Variants in ATP8B4 observed in about 807,000 individuals in gnomAD.
ATP8B4 encodes probable phospholipid-transporting ATPase IM.
Under a neutral mutation model 145.6 loss-of-function variants are expected in ATP8B4, and 133 were observed. The observed-to-expected ratio is 0.91, with a 90% CI of 0.79 to 1.05. The LOEUF is 1.05. Ranked by LOEUF, ATP8B4 falls within the 50% of genes least tolerant of loss-of-function variation. The pLI, the probability that ATP8B4 is intolerant of heterozygous loss-of-function variation, is 0.00. For missense variants in ATP8B4, 1,458 were observed against 1,425.2 expected, an observed-to-expected ratio of 1.02 and a Z score of -0.37; for synonymous variants, 507 against 492.9, an observed-to-expected ratio of 1.03 and a Z score of -0.38.
At chr15:49,886,644 A>G (rs2036222540) in intron 23 of ATP8B4, among the ~76,000 whole-genome samples, 1 of 152,190 alleles carries the variant, frequency 6.6e-6, no homozygotes, top group Non-Finnish European at 1.5e-5. Flanking sequence ...CTTCATGAAT[A>G]CTTAATTATT....
At chr15:49,882,761 T>C (rs1429213803) in intron 23 of ATP8B4, among the ~76,000 whole-genome samples, 1 of 152,196 alleles carries the variant, frequency 6.6e-6, no homozygotes, top group East Asian at 1.9e-4. Flanking sequence ...AGGGTAATGG[T>C]CACCTCTAGA....
rs536477669 is a variant in ATP8B4, at chr15:50,179,092, T to A, written c.-43+3169A>T. 7.9e-5 allele frequency among the ~76,000 whole-genome samples: 12 copies of A among 152,156 alleles called. No homozygotes were observed. The East Asian group carries it at 2.3e-3, about 29-fold the overall frequency. On this transcript the variant is annotated intron_variant, in intron 1 of 3. Transcript: ENST00000558829. Reference sequence around the variant, plus strand: ...AAGGTGCAGGGCATTTTTAGGAGTGTGCAGACCAGACTTGCTAAAAACAAA... The same window carrying A: ...AAGGTGCAGGGCATTTTTAGGAGTGAGCAGACCAGACTTGCTAAAAACAAA...
chr15:50,144,301 T>C (rs1238138031), intron 1 of ATP8B4, among the ~76,000 whole-genome samples: 1 of 152,192 alleles, frequency 6.6e-6, no homozygotes. Flanking sequence ...ATATTGAACA[T>C]GATAGACTTT....
chr15:50,031,699 C>G (rs143939255), intron 6 of ATP8B4, among the ~76,000 whole-genome samples: 230 of 152,262 alleles, frequency 1.5e-3, no homozygotes, highest in African/African-American at 5.3e-3. Context: ...CATCCACCCC[C>G]CTACCACCAC....
chr15:50,049,910 T>C (rs1429335944), intron 3 of ATP8B4, among the ~76,000 whole-genome samples: 1 of 152,152 alleles, frequency 6.6e-6, no homozygotes. Flanking sequence ...TAATGATTAG[T>C]GGTATTTAGC....
chr15:49,917,123 T>TG (rs1310793209), intron 19 of ATP8B4, 84 bp from the exon 20 acceptor site: 3 of 1,331,198 alleles, frequency 2.3e-6, no homozygotes, highest in Non-Finnish European at 3.2e-6. Context: ...AGGGCTTAGC[T>TG]GTATTTTCTT....
intron 6 of ATP8B4, among the ~76,000 whole-genome samples, chr15:50,028,360 A>G (rs544045805): frequency 1.3e-5 from 2 of 152,318 alleles, no homozygotes; most frequent in African/African-American, 4.8e-5. Context: ...AGATCTCAGT[A>G]TTTTAGAAAA....
intron 8 of ATP8B4, among the ~76,000 whole-genome samples, chr15:50,000,235 A>G (rs1280989729): frequency 6.6e-6 from 1 of 152,172 alleles, no homozygotes; most frequent in East Asian, 1.9e-4. Context: ...GTTGGGTTGT[A>G]TGTTAACTGC....
At chr15:50,082,350 A>G (rs999971316) in intron 2 of ATP8B4, among the ~76,000 whole-genome samples, 1 of 152,192 alleles carries the variant, frequency 6.6e-6, no homozygotes, top group Non-Finnish European at 1.5e-5. Context: ...TTGACATTTA[A>G]GCAGAAAACC....
intron 13 of ATP8B4, among the ~76,000 whole-genome samples, chr15:49,966,147 T>C (rs1231372056): frequency 6.6e-6 from 1 of 152,152 alleles, no homozygotes; most frequent in Non-Finnish European, 1.5e-5. Context: ...TTCCCGCAGG[T>C]GCCTACACCA....
At chr15:50,010,041 T>C (rs2048611607) in intron 7 of ATP8B4, among the ~76,000 whole-genome samples, 2 of 152,316 alleles carry the variant, frequency 1.3e-5, no homozygotes, top group African/African-American at 2.4e-5. Flanking sequence ...AACTGAGTTG[T>C]TATTCTTGTA....
intron 3 of ATP8B4, among the ~76,000 whole-genome samples, chr15:50,071,359 C>A (rs1226123979): frequency 6.6e-6 from 1 of 152,000 alleles, no homozygotes. Flanking sequence ...ATTAATTAAG[C>A]AAAAATAATT....
intron 9 of ATP8B4, among the ~76,000 whole-genome samples, chr15:49,993,346 G>T (rs1407091125): frequency 6.6e-6 from 1 of 151,340 alleles, no homozygotes; most frequent in South Asian, 2.1e-4. Flanking sequence ...TGGTGAAATG[G>T]AGTAGTTAGA....
intron 2 of ATP8B4, among the ~76,000 whole-genome samples, chr15:50,102,458 A>G (rs766222021): frequency 2.6e-5 from 4 of 152,176 alleles, no homozygotes; most frequent in African/African-American, 9.6e-5. Context: ...CAAGGCCACT[A>G]TGAACACCTT....
At chr15:50,133,213 T>C (rs2044072381) in intron 1 of ATP8B4, among the ~76,000 whole-genome samples, 1 of 152,164 alleles carries the variant, frequency 6.6e-6, no homozygotes, top group Admixed American at 6.5e-5. Context: ...CTGGAAGACA[T>C]TATGCTAGGT....
At chr15:50,095,999 A>T (rs1395046268) in intron 2 of ATP8B4, among the ~76,000 whole-genome samples, 1 of 152,214 alleles carries the variant, frequency 6.6e-6, no homozygotes, top group African/African-American at 2.4e-5. Flanking sequence ...AATAACGTAT[A>T]ATGTTTAGGA....
intron 3 of ATP8B4, among the ~76,000 whole-genome samples, chr15:50,058,033 G>A (rs1215376574): frequency 3.9e-5 from 6 of 152,134 alleles, no homozygotes; most frequent in African/African-American, 1.4e-4. Flanking sequence ...CCTAGCATAT[G>A]CCTTCTCCAG....
chr15:49,898,812 G>A (rs1409249492), intron 21 of ATP8B4, among the ~76,000 whole-genome samples: 1 of 152,150 alleles, frequency 6.6e-6, no homozygotes, highest in East Asian at 1.9e-4. Flanking sequence ...CAAAAGGGGG[G>A]CACGCAAGCT....
intron 19 of ATP8B4, 23 bp downstream of exon 19, chr15:49,918,816 A>G (rs376255083): frequency 9.9e-5 from 152 of 1,539,780 alleles, no homozygotes; most frequent in Non-Finnish European, 1.3e-4. Context: ...TCAAAATATC[A>G]TCAACATCCA....
Sources: gnomAD v4.1 joint callset for allele counts (sites outside exome capture counted in the v4.1 genomes callset) on GRCh38, gnomAD v4.1.1 for gene constraint, MANE v1.5 for transcripts, NCBI Gene and HGNC (gene_info 2026-07-23, HGNC 2026-07-21) for gene names.